The following CFHR5 variants were observed in gnomAD, a reference collection of about 807,000 sequenced individuals.
CFHR5 encodes complement factor H-related protein 5.
In CFHR5, 73 loss-of-function variants were observed where a neutral mutation model predicts 62.9. The observed-to-expected ratio is 1.16, with a 90% CI of 0.96 to 1.41. The LOEUF (loss-of-function observed/expected upper bound fraction) is 1.41. Ranked by LOEUF, CFHR5 falls within the 40% of genes most tolerant of loss-of-function variation. The pLI is 0.00. For missense variants in CFHR5, 779 were observed against 679.9 expected (o/e 1.15, Z -1.62); for synonymous variants, 249 against 227.2 (o/e 1.10, Z -0.86).
In CFHR5 at chr1:196,997,067, A is replaced by T. The variant is rs1187199781; in HGVS notation, c.970+866A>T. Among the ~76,000 whole-genome samples the T allele has an allele frequency of 2.6e-5, 4 of 152,068 alleles. 1 individual carries two copies. Among genetic ancestry groups the T allele is most frequent in the Admixed American group, 2.6e-4 (4 of 15,242 alleles). On this transcript the variant is annotated intron_variant, in intron 6 of 9. Coordinates refer to ENST00000256785, the MANE Select transcript of CFHR5 (RefSeq NM_030787.4). ...AAGCCTCTAATTTTGAACTTTAAAG[A>T]CAAGCAGACTTTCCGCCGCTGTTCT...
chr1:196,976,924 C>A (rs1227976069), upstream of CFHR5, among the ~76,000 whole-genome samples: 1 of 151,216 alleles, frequency 6.6e-6, no homozygotes, highest in Non-Finnish European at 1.5e-5. Flanking sequence ...CCTGCCTCAG[C>A]CTCCCGAGTA....
rs1193797792 is a variant in CFHR5 at position 196,983,230 on chromosome 1, C to T, written c.253+151C>T. The T allele has an allele frequency of 5.2e-6, 5 of 960,206 alleles. No homozygotes were observed. In the East Asian group the frequency reaches 1.0e-4, roughly 20 times the overall value. 59.5% of individuals were successfully genotyped at this position (960,206 alleles called of 1,614,324 possible). A position where few individuals can be genotyped will look rare whatever the true frequency, so the allele number is the denominator to read the frequency against. On this transcript the variant is annotated intron_variant, in intron 2 of 9. Transcript: ENST00000256785. ...GTAGTCCTCCTATTTTGAGACCCCTCCTATGAGAATCAATGAAGAATAAAT... is the reference window on the plus strand; with the variant it reads ...GTAGTCCTCCTATTTTGAGACCCCTTCTATGAGAATCAATGAAGAATAAAT...
chr1:196,991,345 A>G (rs901638215), intron 3 of CFHR5, among the ~76,000 whole-genome samples: 1 of 152,114 alleles, frequency 6.6e-6, no homozygotes, highest in Non-Finnish European at 1.5e-5. Context: ...GTTATTACCA[A>G]TCTTCTGAAG....
chr1:197,004,598 G>A (rs1479650848), intron 8 of CFHR5, 63 bp from the exon 9 acceptor site: 11 of 1,229,630 alleles, frequency 8.9e-6, no homozygotes, highest in Admixed American at 8.4e-5. Flanking sequence ...GATACATGAT[G>A]CTTCATTATA....
At position 196,982,771 on chromosome 1, in the gene CFHR5, G is replaced by A. The variant is rs771038337; in HGVS notation, c.59-114G>A. ...TACACTGGAAAGCATTTAAGCTAAA[G>A]GCATTTAAGCTGAATGAAAAACAAA... On this transcript the variant is annotated intron_variant, in intron 1 of 9. Transcript: ENST00000256785. 1.7e-4 allele frequency: 153 copies of A among 894,062 alleles called. 1 individual carries two copies. The highest frequency in any genetic ancestry group is 2.5e-4 in the Non-Finnish European group (139 of 549,516). 55.4% of individuals were successfully genotyped at this position (894,062 alleles called of 1,614,324 possible).
chr1:196,985,774 G>A lies in CFHR5; in HGVS notation c.430+1637G>A, dbSNP rs116819957. ...GATTTTGTTAGTCTTTGAACAATTC[G>A]GTTGCTTTGTGACACAAAAAATATC... On this transcript the variant is annotated intron_variant, in intron 3 of 9. Transcript: ENST00000256785. Among the ~76,000 whole-genome samples, 547 of 152,168 alleles carry A rather than the reference G, an allele frequency of 3.6e-3. 1 individual carries two copies. The highest frequency in any genetic ancestry group is 0.013 in the African/African-American group (530 of 41,538).
intron 9 of CFHR5, among the ~76,000 whole-genome samples, chr1:197,005,803 G>T (rs2125040354): frequency 6.6e-6 from 1 of 152,086 alleles, no homozygotes; most frequent in Non-Finnish European, 1.5e-5. Flanking sequence ...TTCTGACGAT[G>T]TCTCTTTCTT....
intron 7 of CFHR5, among the ~76,000 whole-genome samples, chr1:197,001,202 C>T (rs1170432126): frequency 6.6e-5 from 10 of 151,946 alleles, no homozygotes; most frequent in South Asian, 2.1e-4. Context: ...ACATAAAATA[C>T]GCATCAGTGG....
intron 3 of CFHR5, among the ~76,000 whole-genome samples, chr1:196,989,621 T>A (rs1219178431): frequency 6.6e-6 from 1 of 152,206 alleles, no homozygotes; most frequent in Non-Finnish European, 1.5e-5. Flanking sequence ...CTTCATTTTG[T>A]TATTTACCTG....
intron 9 of CFHR5, among the ~76,000 whole-genome samples, chr1:197,007,362 A>G (rs1048101602): frequency 3.3e-5 from 5 of 152,136 alleles, no homozygotes; most frequent in Non-Finnish European, 5.9e-5. Context: ...ATTTTTACAA[A>G]TCAATCAAAA....
chr1:196,978,940 T>G (rs1653466535), intron 1 of CFHR5, among the ~76,000 whole-genome samples: 1 of 152,150 alleles, frequency 6.6e-6, no homozygotes, highest in African/African-American at 2.4e-5. Flanking sequence ...TAAACTTTAG[T>G]GAAATTCTAT....
At chr1:196,977,996 A>G (rs1322915004) in intron 1 of CFHR5, among the ~76,000 whole-genome samples, 5 of 152,200 alleles carry the variant, frequency 3.3e-5, no homozygotes, top group African/African-American at 9.6e-5. Context: ...AAAATCTGCT[A>G]TAATAAAGAT....
intron 9 of CFHR5, among the ~76,000 whole-genome samples, chr1:197,005,373 T>G (rs1419853555): frequency 2.6e-5 from 4 of 152,118 alleles, no homozygotes; most frequent in Non-Finnish European, 5.9e-5. Context: ...ATCTTCACTA[T>G]CCCTTCTTTT....
chr1:197,005,755 C>G (rs2125040329), intron 9 of CFHR5, among the ~76,000 whole-genome samples: 1 of 152,168 alleles, frequency 6.6e-6, no homozygotes, highest in South Asian at 2.1e-4. Flanking sequence ...CCTCACAGGG[C>G]TAGACCAGAA....
intron 5 of CFHR5, 25 bp downstream of exon 5, chr1:196,995,924 A>G (rs1446771003): frequency 1.9e-6 from 3 of 1,601,732 alleles, no homozygotes; most frequent in Non-Finnish European, 2.6e-6. Context: ...ACATTTAAAC[A>G]GGACAGTTAC....
At position 196,998,187 on chromosome 1, in the gene CFHR5, C is replaced by A; in HGVS notation, c.1030C>A (p.Leu344Ile). ...AGVNIKTLLK[L>I]SGKEFNHNSR... ...AGTTAATATAAAAACATTACTCAAG[C>A]TATCTGGGAAAGAATTTAATCATAA... is the stretch of plus-strand genomic sequence containing the variant. The change falls in exon 7 of 10, where the codon CTA becomes ATA. Residue 344 changes from leucine (L) to isoleucine (I), a missense_variant. Coordinates refer to ENST00000256785, the MANE Select transcript of CFHR5 (RefSeq NM_030787.4). 1 of 1,601,442 alleles carries A rather than the reference C, an allele frequency of 6.2e-7. No homozygotes were observed. The highest frequency in any genetic ancestry group is 8.5e-7 in the Non-Finnish European group (1 of 1,172,774).
intron 7 of CFHR5, among the ~76,000 whole-genome samples, chr1:196,999,852 C>T (rs929907066): frequency 4.2e-5 from 6 of 144,570 alleles, no homozygotes; most frequent in Non-Finnish European, 1.5e-5. Flanking sequence ...ATATGTATAT[C>T]CTAAAAAGCT....
chr1:196,995,950 A>T (rs1385657482), intron 5 of CFHR5, 51 bp downstream of exon 5: 9 of 1,591,736 alleles, frequency 5.7e-6, no homozygotes, highest in Admixed American at 3.3e-5. Flanking sequence ...CTTTGCACTT[A>T]TATATAAATA....
At chr1:196,993,213 C>T (rs1653894999) in intron 3 of CFHR5, among the ~76,000 whole-genome samples, 2 of 152,044 alleles carry the variant, frequency 1.3e-5, no homozygotes, top group African/African-American at 4.8e-5. Context: ...TTTAGTTACC[C>T]TTTTGTAAAA....
Sources: allele counts gnomAD v4.1 joint callset (sites outside exome capture counted in the v4.1 genomes callset), GRCh38; gene constraint gnomAD v4.1.1; transcripts MANE v1.5; gene names NCBI Gene and HGNC (gene_info 2026-07-23, HGNC 2026-07-21).